The following GRIN3A variants were observed in gnomAD, a reference collection of about 807,000 sequenced individuals.
The protein encoded by GRIN3A is glutamate receptor ionotropic, NMDA 3A.
A neutral mutation model predicts 92.4 loss-of-function variants in GRIN3A; 47 were observed. The ratio of observed to expected loss-of-function variants is 0.51; its 90% CI spans 0.40 to 0.65. The LOEUF is 0.65. GRIN3A is among the 30% of genes least tolerant of loss of function. GRIN3A has a pLI of 0.00. For missense variants in GRIN3A, 1,324 were observed against 1,393.1 expected (o/e 0.95, Z 0.79); for synonymous variants, 527 against 540.6 (o/e 0.97, Z 0.35).
At chr9:101,629,861 C>T (rs13292935) in intron 3 of GRIN3A, among the ~76,000 whole-genome samples, 9,978 of 152,196 alleles carry the variant, frequency 0.066, 474 homozygotes, top group East Asian at 0.17. Context: ...TTGTAAGTAG[C>T]AGGGACTGGC....
intron 6 of GRIN3A, among the ~76,000 whole-genome samples, chr9:101,604,198 G>A (rs1828247259): frequency 6.6e-6 from 1 of 152,014 alleles, no homozygotes; most frequent in Non-Finnish European, 1.5e-5. Flanking sequence ...AAGAGAGAAA[G>A]AAAGGGAAGG....
chr9:101,648,061 G>C (rs1018140957), intron 3 of GRIN3A, among the ~76,000 whole-genome samples: 1 of 151,582 alleles, frequency 6.6e-6, no homozygotes, highest in African/African-American at 2.4e-5. Flanking sequence ...GTTCGTTGAG[G>C]TGCATTATTT....
At chr9:101,726,044 T>C (rs1012298731) in intron 1 of GRIN3A, among the ~76,000 whole-genome samples, 4 of 152,232 alleles carry the variant, frequency 2.6e-5, no homozygotes, top group Admixed American at 6.5e-5. Context: ...TTTGAGAGCC[T>C]GGGCTTTGCT....
At position 101,628,361 on chromosome 9, in the gene GRIN3A, C is replaced by T. The variant is rs773953842; in HGVS notation, c.2393G>A (p.Arg798Gln). 3.7e-5 allele frequency: 60 copies of T among 1,613,716 alleles called. No individual in the cohort carries two copies. Among genetic ancestry groups the T allele is most frequent in the African/African-American group, 2.4e-4 (18 of 74,886 alleles). ...PSQGFRFGTVRESSAEDYVRQ... is the reference protein window; with the variant it reads ...PSQGFRFGTVQESSAEDYVRQ... ...CACATAATCTTCAGCACTGCTTTCT[C>T]GGACAGTTCCAAAGCGGAATCCTTG... Residue 798 changes from arginine to glutamine, a missense_variant, in exon 4 of 9, where the codon CGA becomes CAA. By Grantham distance (43) the Arg-to-Gln change is conservative (BLOSUM62 1). Coordinates refer to ENST00000361820, the MANE Select transcript of GRIN3A (RefSeq NM_133445.3).
intron 2 of GRIN3A, among the ~76,000 whole-genome samples, chr9:101,671,851 G>T (rs1276778105): frequency 6.6e-6 from 1 of 152,106 alleles, no homozygotes; most frequent in Non-Finnish European, 1.5e-5. Context: ...GAGAGCTTAT[G>T]CCAGAAGCCA....
intron 3 of GRIN3A, among the ~76,000 whole-genome samples, chr9:101,648,076 A>G (rs1828962871): frequency 1.3e-5 from 2 of 151,132 alleles, no homozygotes; most frequent in African/African-American, 2.4e-5. Flanking sequence ...TTATTTGGAA[A>G]TCTTGCTTTT....
At chr9:101,691,098 A>G (rs1194143489) in intron 1 of GRIN3A, among the ~76,000 whole-genome samples, 1 of 152,136 alleles carries the variant, frequency 6.6e-6, no homozygotes, top group Non-Finnish European at 1.5e-5. Flanking sequence ...GAAAAACAAG[A>G]GAATATTAGT....
Position 101,569,444 on chromosome 9 carries a change from G to T in GRIN3A, c.*3730C>A, listed in dbSNP as rs1242305370. On this transcript the variant is annotated 3_prime_UTR_variant, in exon 9 of 9. Coordinates refer to ENST00000361820, the MANE Select transcript of GRIN3A (RefSeq NM_133445.3). ...CTAATCCATCCATGTGGTTGTACAA[G>T]AAAAGTGGCTGGAGCAAAACAGCCC... is the stretch of plus-strand genomic sequence containing the variant. The T allele has an allele frequency of 6.6e-6, 1 of 152,152 alleles. No homozygotes were observed. The highest frequency in any genetic ancestry group is 6.5e-5 in the Admixed American group (1 of 15,278). The allele number at this position is 152,152 out of a possible 1,614,324, so 9.4% of individuals were successfully genotyped here.
intron 6 of GRIN3A, among the ~76,000 whole-genome samples, chr9:101,588,269 A>ATT (rs1827973715): frequency 1.3e-5 from 2 of 152,258 alleles, no homozygotes; most frequent in African/African-American, 4.8e-5. Flanking sequence ...ACACTTAACA[A>ATT]AAGAAACAGA....
At chr9:101,673,568 T>C (rs1829356100) in intron 2 of GRIN3A, among the ~76,000 whole-genome samples, 1 of 152,132 alleles carries the variant, frequency 6.6e-6, no homozygotes, top group Non-Finnish European at 1.5e-5. Context: ...TTAATTATAG[T>C]CACCTGTACT....
chr9:101,682,855 G>A (rs1004894416), intron 2 of GRIN3A, among the ~76,000 whole-genome samples: 14 of 152,112 alleles, frequency 9.2e-5, no homozygotes, highest in Non-Finnish European at 1.8e-4. Context: ...GGTGGCGGGC[G>A]CCTGTAGTCC....
intron 1 of GRIN3A, among the ~76,000 whole-genome samples, chr9:101,690,197 A>G (rs891195558): frequency 2.0e-5 from 3 of 152,116 alleles, no homozygotes; most frequent in African/African-American, 7.2e-5. Context: ...ATATTATGGT[A>G]TATTATTTAT....
intron 4 of GRIN3A, among the ~76,000 whole-genome samples, chr9:101,624,542 G>A (rs62577426): frequency 3.3e-5 from 5 of 151,980 alleles, no homozygotes; most frequent in Admixed American, 2.6e-4. Flanking sequence ...TGTCCCTACA[G>A]AGGACATGAA....
intron 6 of GRIN3A, among the ~76,000 whole-genome samples, chr9:101,582,155 C>T (rs1299956660): frequency 6.6e-6 from 1 of 152,212 alleles, no homozygotes; most frequent in Non-Finnish European, 1.5e-5. Flanking sequence ...CCCCACCTCT[C>T]TCCACCTCTA....
intron 1 of GRIN3A, among the ~76,000 whole-genome samples, chr9:101,711,706 C>A (rs1385136589): frequency 2.0e-5 from 3 of 152,000 alleles, no homozygotes; most frequent in Non-Finnish European, 4.4e-5. Context: ...AGGGCAGTGG[C>A]GGAATCTAGT....
intron 3 of GRIN3A, among the ~76,000 whole-genome samples, chr9:101,660,648 G>A (rs1003382123): frequency 7.9e-5 from 12 of 151,762 alleles, no homozygotes; most frequent in African/African-American, 2.9e-4. Flanking sequence ...GAAGACAGAA[G>A]CCATGAGAGG....
intron 5 of GRIN3A, 104 bp from the exon 6 acceptor site, chr9:101,613,631 G>A (rs1282912250): frequency 3.7e-5 from 40 of 1,073,642 alleles, no homozygotes; most frequent in East Asian, 1.0e-4. Context: ...AAAAAAGGGC[G>A]TGATGAGTTT....
intron 3 of GRIN3A, among the ~76,000 whole-genome samples, chr9:101,664,935 G>A (rs1454173719): frequency 3.3e-5 from 5 of 151,756 alleles, no homozygotes; most frequent in East Asian, 3.9e-4. Context: ...GCAGACAGAC[G>A]GTGTATAAAT....
intron 6 of GRIN3A, among the ~76,000 whole-genome samples, chr9:101,580,994 A>G (rs1053547112): frequency 6.6e-6 from 1 of 152,246 alleles, no homozygotes; most frequent in Non-Finnish European, 1.5e-5. Context: ...ATTGACATCA[A>G]TGACAAGAGT....
Sources: allele counts gnomAD v4.1 joint callset (sites outside exome capture counted in the v4.1 genomes callset), GRCh38; gene constraint gnomAD v4.1.1; transcripts MANE v1.5; gene names NCBI Gene and HGNC (gene_info 2026-07-23, HGNC 2026-07-21).